The following FAM227B variants were observed in gnomAD, a reference collection of about 807,000 sequenced individuals.
The protein encoded by FAM227B is family with sequence similarity 227 member B.
A neutral mutation model predicts 73.8 loss-of-function variants in FAM227B; 88 were observed. The ratio of observed to expected loss-of-function variants is 1.19; its 90% confidence interval spans 1.00 to 1.42. FAM227B has a LOEUF of 1.42. Among genes scored for constraint, FAM227B ranks in the 40% most tolerant of loss-of-function variants. The pLI, the probability that FAM227B is intolerant of heterozygous loss-of-function variation, is 0.00. For synonymous variants in FAM227B, 210 were observed against 190.5 expected, an observed-to-expected ratio of 1.10 and a Z score of -0.84; for missense variants, 632 against 590.9, an observed-to-expected ratio of 1.07 and a Z score of -0.72.
intron 9 of FAM227B, among the ~76,000 whole-genome samples, chr15:49,565,888 G>C (rs139781284): frequency 1.4e-3 from 218 of 152,258 alleles, no homozygotes; most frequent in African/African-American, 5.2e-3. Context: ...CAGAAGCAGA[G>C]ATTGGAGTGA....
At chr15:49,523,030 C>T (rs1484945112) in intron 10 of FAM227B, among the ~76,000 whole-genome samples, 1 of 143,616 alleles carries the variant, frequency 7.0e-6, no homozygotes, top group Non-Finnish European at 1.5e-5. Flanking sequence ...GACTCTCTTT[C>T]TTTTACTCTC....
chr15:49,454,199 T>C (rs1214314737), intron 11 of FAM227B, among the ~76,000 whole-genome samples: 1 of 152,150 alleles, frequency 6.6e-6, no homozygotes, highest in Non-Finnish European at 1.5e-5. Context: ...CATTTTATCA[T>C]CAGAAATACA....
chr15:49,360,889 C>T (rs748752827), intron 13 of FAM227B, among the ~76,000 whole-genome samples: 18 of 152,110 alleles, frequency 1.2e-4, no homozygotes, highest in Admixed American at 5.9e-4. Flanking sequence ...CATTGACTCC[C>T]TCCAGTCCTC....
chr15:49,343,535 C>T (rs1036984238), intron 13 of FAM227B: 2 of 152,118 alleles, frequency 1.3e-5, no homozygotes, highest in African/African-American at 2.4e-5. Context: ...TAGCTCTACC[C>T]AATACGATTT....
intron 4 of FAM227B, among the ~76,000 whole-genome samples, chr15:49,588,334 C>G (rs538494073): frequency 1.3e-5 from 2 of 150,940 alleles, no homozygotes; most frequent in Admixed American, 1.3e-4. Flanking sequence ...GGCACTTACT[C>G]CTATGTCTAA....
chr15:49,488,619 C>T (rs2056610852), intron 11 of FAM227B: 1 of 151,900 alleles, frequency 6.6e-6, no homozygotes, highest in African/African-American at 2.4e-5. Flanking sequence ...TTATGAGAGC[C>T]TATCAAAATT....
At chr15:49,332,351 GGAAA>G (rs1388588954) in intron 14 of FAM227B, among the ~76,000 whole-genome samples, 1 of 152,208 alleles carries the variant, frequency 6.6e-6, no homozygotes, top group Non-Finnish European at 1.5e-5. Flanking sequence ...TAGAGACACA[GGAAA>G]GAAAGAGAGG....
At chr15:49,545,975 T>C (rs1355843016) in intron 9 of FAM227B, among the ~76,000 whole-genome samples, 1 of 151,606 alleles carries the variant, frequency 6.6e-6, no homozygotes, top group African/African-American at 2.4e-5. Context: ...ATTATTATTA[T>C]ACTTTAAGTT....
At position 49,615,726 on chromosome 15, in the gene FAM227B, C is replaced by T. The variant is rs28559293; in HGVS notation, c.-72-483G>A. ...GTAGTTCTTTATAGCAATGTGAGAA[C>T]GGACTAACGCAGCAGGGGAGGAAGG... is the stretch of plus-strand genomic sequence containing the variant. On this transcript the variant is annotated intron_variant, in intron 1 of 15. Transcript: ENST00000299338. Among the ~76,000 whole-genome samples the T allele has an allele frequency of 3.6e-3, 549 of 152,222 alleles. 2 individuals are homozygous for T. Among genetic ancestry groups the T allele is most frequent in the African/African-American group, 9.2e-3 (381 of 41,516 alleles).
chr15:49,340,419 C>G (rs1259965461), intron 13 of FAM227B, among the ~76,000 whole-genome samples: 3 of 144,206 alleles, frequency 2.1e-5, no homozygotes, highest in Non-Finnish European at 4.6e-5. Context: ...CCCCTCCCCC[C>G]CCCGCTTTGC....
chr15:49,451,848 C>T (rs566622560), intron 11 of FAM227B, among the ~76,000 whole-genome samples: 1 of 152,076 alleles, frequency 6.6e-6, no homozygotes, highest in African/African-American at 2.4e-5. Context: ...GAGGAAAAAA[C>T]TAAGACCCAC....
intron 13 of FAM227B, among the ~76,000 whole-genome samples, chr15:49,338,854 C>T (rs1175212886): frequency 4.6e-5 from 7 of 152,054 alleles, no homozygotes; most frequent in African/African-American, 1.7e-4. Context: ...CTAATCTTGT[C>T]TTCTTGCTTT....
chr15:49,591,612 A>G (rs972915524), intron 3 of FAM227B, among the ~76,000 whole-genome samples: 2 of 149,560 alleles, frequency 1.3e-5, no homozygotes, highest in African/African-American at 4.9e-5. Context: ...CAGCCTCCCA[A>G]GTAGCTGGGA....
intron 11 of FAM227B, among the ~76,000 whole-genome samples, chr15:49,475,143 G>A (rs1230156301): frequency 1.3e-5 from 2 of 152,066 alleles, no homozygotes; most frequent in Non-Finnish European, 2.9e-5. Context: ...CCTGCACTCC[G>A]GTAGTGTATG....
chr15:49,377,870 C>A (rs570726166), intron 11 of FAM227B, among the ~76,000 whole-genome samples: 1 of 152,162 alleles, frequency 6.6e-6, no homozygotes. Context: ...TTGATGTGAT[C>A]ACATCTGTCA....
At chr15:49,501,511 CA>C (rs2058132798) in intron 11 of FAM227B, among the ~76,000 whole-genome samples, 2 of 152,158 alleles carry the variant, frequency 1.3e-5, no homozygotes, top group Admixed American at 6.5e-5. Flanking sequence ...ACAGGGTATT[CA>C]AGATGTAACC....
chr15:49,534,905 A>T (rs2060896014), intron 10 of FAM227B, among the ~76,000 whole-genome samples: 1 of 151,808 alleles, frequency 6.6e-6, no homozygotes. Context: ...GGAAAATGGA[A>T]ACATGACATA....
At chr15:49,526,706 A>T (rs2060230508) in intron 10 of FAM227B, among the ~76,000 whole-genome samples, 1 of 152,072 alleles carries the variant, frequency 6.6e-6, no homozygotes, top group Non-Finnish European at 1.5e-5. Flanking sequence ...CAGAAATGGT[A>T]AAACTGACTT....
chr15:49,551,159 G>A (rs149899052), intron 9 of FAM227B, among the ~76,000 whole-genome samples: 43 of 152,348 alleles, frequency 2.8e-4, no homozygotes, highest in South Asian at 8.3e-4. Context: ...TCACGCGCCT[G>A]CAATTGCAGG....
Sources: allele counts gnomAD v4.1 joint callset (sites outside exome capture counted in the v4.1 genomes callset), GRCh38; gene constraint gnomAD v4.1.1; transcripts MANE v1.5; gene names NCBI Gene and HGNC (gene_info 2026-07-23, HGNC 2026-07-21).